MGAT4C: variants seen among roughly 807,000 people sequenced by gnomAD.
MGAT4C encodes MGAT4 family member C.
Under a neutral mutation model 40.1 loss-of-function variants are expected in MGAT4C, and 19 were observed. The observed-to-expected ratio is 0.47, with a 90% CI of 0.33 to 0.70. The LOEUF (loss-of-function observed/expected upper bound fraction) is 0.70. Among genes scored for constraint, MGAT4C ranks in the 30% least tolerant of loss-of-function variants. MGAT4C has a pLI of 0.02. For missense variants in MGAT4C, 491 were observed against 563.2 expected (o/e 0.87, Z 1.30); for synonymous variants, 181 against 187.1 (o/e 0.97, Z 0.27).
At chr12:86,242,311 C>T (rs1321779848) in intron 1 of MGAT4C, among the ~76,000 whole-genome samples, 1 of 152,072 alleles carries the variant, frequency 6.6e-6, no homozygotes, top group African/African-American at 2.4e-5. Flanking sequence ...TAAGACATTC[C>T]CCTTCAGCTC....
chr12:86,147,563 T>C (rs1220934055), intron 1 of MGAT4C, among the ~76,000 whole-genome samples: 1 of 152,168 alleles, frequency 6.6e-6, no homozygotes, highest in Non-Finnish European at 1.5e-5. Context: ...TAACAGTACA[T>C]TTTTAAATAT....
intron 2 of MGAT4C, among the ~76,000 whole-genome samples, chr12:85,992,252 C>A (rs1186603518): frequency 1.3e-5 from 2 of 152,222 alleles, no homozygotes; most frequent in African/African-American, 4.8e-5. Flanking sequence ...ATGACACTGT[C>A]AATCCTCTAT....
chr12:86,648,207 T>G (rs544928037), intron 2 of MGAT4C, among the ~76,000 whole-genome samples: 26 of 152,038 alleles, frequency 1.7e-4, no homozygotes, highest in Non-Finnish European at 3.1e-4. Context: ...AGGCCATAAG[T>G]TATTGTGGAG....
chr12:86,474,703 C>T (rs1270550193), intron 2 of MGAT4C, among the ~76,000 whole-genome samples: 1 of 151,636 alleles, frequency 6.6e-6, no homozygotes, highest in African/African-American at 2.4e-5. Flanking sequence ...TATAAGAAAG[C>T]CCATCATTTA....
intron 1 of MGAT4C, among the ~76,000 whole-genome samples, chr12:86,079,321 G>A (rs1268315571): frequency 1.3e-5 from 2 of 152,024 alleles, no homozygotes; most frequent in Non-Finnish European, 2.9e-5. Flanking sequence ...AGTTGTAAAG[G>A]GCCCAAGAGA....
intron 3 of MGAT4C, among the ~76,000 whole-genome samples, chr12:86,337,937 T>C (rs1265766824): frequency 1.3e-5 from 2 of 152,064 alleles, no homozygotes; most frequent in Non-Finnish European, 2.9e-5. Context: ...ATCAATCGAG[T>C]GGATGACATC....
intron 2 of MGAT4C, among the ~76,000 whole-genome samples, chr12:86,706,754 A>G (rs1298489351): frequency 6.6e-6 from 1 of 152,106 alleles, no homozygotes; most frequent in African/African-American, 2.4e-5. Flanking sequence ...CCACTAGACC[A>G]TGTCATCCTT....
chr12:86,765,297 A>C (rs7486381), intron 1 of MGAT4C, among the ~76,000 whole-genome samples: 3 of 151,978 alleles, frequency 2.0e-5, no homozygotes, highest in Non-Finnish European at 4.4e-5. Flanking sequence ...GAAATGAAGC[A>C]AGAAGGGAAG....
At chr12:86,329,881 C>T (rs1041945713) in intron 4 of MGAT4C, among the ~76,000 whole-genome samples, 1 of 152,014 alleles carries the variant, frequency 6.6e-6, no homozygotes, top group African/African-American at 2.4e-5. Context: ...CATAGTTAAC[C>T]CTCAACAAAT....
At chr12:86,442,568 G>T (rs1192330159) in intron 2 of MGAT4C, among the ~76,000 whole-genome samples, 2 of 151,980 alleles carry the variant, frequency 1.3e-5, no homozygotes, top group Non-Finnish European at 2.9e-5. Flanking sequence ...CATATGGCTA[G>T]CCAGTTTTCC....
intron 3 of MGAT4C, among the ~76,000 whole-genome samples, chr12:86,419,063 A>G (rs1956774985): frequency 6.6e-6 from 1 of 152,128 alleles, no homozygotes; most frequent in South Asian, 2.1e-4. Flanking sequence ...AACCTTTTCC[A>G]AAATTTCATC....
At position 86,628,285 on chromosome 12, in the gene MGAT4C, A is replaced by T. The variant is rs1488377973; in HGVS notation, c.-229+98924T>A. The stretch of plus-strand genomic sequence containing the variant: ...TCTACATTTGATTGGTGTACCTGAA[A>T]GTGACGGGGAGAATGGAACTAAGCT... On this transcript the variant is annotated intron_variant, in intron 2 of 7. Coordinates refer to the MGAT4C transcript ENST00000548651. Among the ~76,000 whole-genome samples, 3 of 152,326 alleles carry T rather than the reference A, an allele frequency of 2.0e-5. No homozygotes were observed. The East Asian group carries it at 5.8e-4, about 29-fold the overall frequency.
intron 3 of MGAT4C, among the ~76,000 whole-genome samples, chr12:86,353,997 A>G (rs1390060983): frequency 6.6e-6 from 1 of 152,202 alleles, no homozygotes; most frequent in African/African-American, 2.4e-5. Flanking sequence ...TACAAGGAGT[A>G]TACGGTTCAT....
At chr12:86,806,111 AAAC>A (rs1952347665) in intron 1 of MGAT4C, among the ~76,000 whole-genome samples, 1 of 151,860 alleles carries the variant, frequency 6.6e-6, no homozygotes, top group South Asian at 2.1e-4. Flanking sequence ...TTGTAAAAAA[AAAC>A]CTTTTTATTC....
At chr12:86,295,810 TAC>T (rs1953654513) in intron 4 of MGAT4C, among the ~76,000 whole-genome samples, 1 of 152,094 alleles carries the variant, frequency 6.6e-6, no homozygotes, top group Admixed American at 6.5e-5. Context: ...AGCAGCTAGA[TAC>T]AGAGTGTGGA....
At chr12:86,151,445 T>G (rs1884268401) in intron 1 of MGAT4C, among the ~76,000 whole-genome samples, 1 of 152,114 alleles carries the variant, frequency 6.6e-6, no homozygotes, top group African/African-American at 2.4e-5. Flanking sequence ...ACCCCGTCTC[T>G]ACTAAAAATA....
intron 2 of MGAT4C, among the ~76,000 whole-genome samples, chr12:86,665,649 G>A (rs1190607188): frequency 6.6e-6 from 1 of 152,090 alleles, no homozygotes; most frequent in East Asian, 1.9e-4. Context: ...GGGATTACAG[G>A]CGTGAGCCAC....
intron 2 of MGAT4C, among the ~76,000 whole-genome samples, chr12:86,533,392 G>T (rs940160523): frequency 4.0e-5 from 6 of 151,890 alleles, no homozygotes; most frequent in African/African-American, 1.4e-4. Flanking sequence ...GAGTCACTTG[G>T]ATTGTTCAAA....
chr12:86,100,328 C>T (rs556150647), intron 1 of MGAT4C, among the ~76,000 whole-genome samples: 43 of 151,416 alleles, frequency 2.8e-4, no homozygotes, highest in Non-Finnish European at 5.0e-4. Context: ...GAAGTAGTAA[C>T]TTATTTTATT....
Sources: allele counts gnomAD v4.1 joint callset (sites outside exome capture counted in the v4.1 genomes callset), GRCh38; gene constraint gnomAD v4.1.1; transcripts MANE v1.5; gene names NCBI Gene and HGNC (gene_info 2026-07-23, HGNC 2026-07-21).